HPCAL4: variants seen among roughly 807,000 people sequenced by gnomAD.
HPCAL4 encodes the protein hippocalcin-like protein 4.
HPCAL4 carries 16 observed loss-of-function variants against 18.2 expected under a neutral mutation model. The observed-to-expected ratio is 0.88, with a 90% CI of 0.59 to 1.33. The LOEUF is 1.33. Ranked by LOEUF, HPCAL4 falls within the 40% of genes most tolerant of loss-of-function variation. The pLI, the probability that HPCAL4 is intolerant of heterozygous loss-of-function variation, is 0.00. For missense variants in HPCAL4, 214 were observed against 256.6 expected, an observed-to-expected ratio of 0.83 and a Z score of 1.14; for synonymous variants, 80 against 97.5, an observed-to-expected ratio of 0.82 and a Z score of 1.06.
intron 1 of HPCAL4, among the ~76,000 whole-genome samples, chr1:39,690,809 G>T (rs1646711882): frequency 6.6e-6 from 1 of 152,022 alleles, no homozygotes; most frequent in African/African-American, 2.4e-5. Context: ...ACAACAAGGA[G>T]GGAGCGCTCT....
rs1646625817 is a variant in HPCAL4 at position 39,681,446 on chromosome 1, AG to A, written c.*1089del. On this transcript the variant is annotated 3_prime_UTR_variant, in exon 4 of 4. Transcript: ENST00000372844. ...AAACCTTGCTTTTTCCTGTCCCTGA[AG>A]TCAGCACCCAACCGGAGTAAGTATG... 6.6e-6 allele frequency: 1 copy of A among 152,238 alleles called. No individual in the cohort carries two copies. Among genetic ancestry groups the A allele is most frequent in the Non-Finnish European group, 1.5e-5 (1 of 68,048 alleles). The allele number at this position is 152,238 out of a possible 1,614,324, so 9.4% of individuals were successfully genotyped here.
intron 3 of HPCAL4, 51 bp downstream of exon 3, chr1:39,683,886 G>T: frequency 6.5e-7 from 1 of 1,531,490 alleles, no homozygotes; most frequent in Non-Finnish European, 9.0e-7. Flanking sequence ...GCAGGGGCGG[G>T]GATGGCGAAG....
rs367877386 is a variant in HPCAL4, at chr1:39,684,140, C to T, written c.175G>A (p.Gly59Ser). Reference sequence around the variant, plus strand: ...TGCTGCGCGAACTTGGAGGCGTCGCCGTAGGGGAAGAACTGAGGGGGGTGC... The same window carrying T: ...TGCTGCGCGAACTTGGAGGCGTCGCTGTAGGGGAAGAACTGAGGGGGGTGC... ...QQLYIKFFPYGDASKFAQHAF... is the reference protein window; with the variant it reads ...QQLYIKFFPYSDASKFAQHAF... Residue 59 changes from glycine to serine, a missense_variant, in exon 3 of 4, where the codon GGC (glycine) becomes AGC (serine). Transcript: ENST00000372844. The T allele has an allele frequency of 3.1e-6, 5 of 1,611,580 alleles. No homozygotes were observed. In the African/African-American group the frequency reaches 5.4e-5, roughly 17 times the overall value.
At chr1:39,685,193 G>A (rs1232134342) in intron 1 of HPCAL4, among the ~76,000 whole-genome samples, 1 of 152,214 alleles carries the variant, frequency 6.6e-6, no homozygotes, top group Non-Finnish European at 1.5e-5. Flanking sequence ...GCTAGGCCCT[G>A]TGCCAGTGAT....
At chr1:39,684,174 G>A in intron 2 of HPCAL4, 22 bp from the exon 3 acceptor site, 5 of 1,592,146 alleles carry the variant, frequency 3.1e-6, no homozygotes, top group Non-Finnish European at 4.3e-6. Context: ...GCGGTGGGTT[G>A]GGGCGCAGCG....
intron 1 of HPCAL4, among the ~76,000 whole-genome samples, chr1:39,686,877 A>C (rs1570477673): frequency 6.6e-6 from 1 of 151,524 alleles, no homozygotes; most frequent in Non-Finnish European, 1.5e-5. Context: ...TCAGGCTCCC[A>C]CCCCAGGTAG....
intron 1 of HPCAL4, among the ~76,000 whole-genome samples, chr1:39,686,491 C>G (rs961733275): frequency 2.0e-5 from 3 of 152,076 alleles, no homozygotes; most frequent in Admixed American, 2.0e-4. Flanking sequence ...CGTGGAGAGA[C>G]GTGGATGGGC....
At chr1:39,684,834 C>T (rs1044914653) in intron 1 of HPCAL4, among the ~76,000 whole-genome samples, 1 of 152,210 alleles carries the variant, frequency 6.6e-6, no homozygotes, top group East Asian at 1.9e-4. Context: ...CTCTCCTCCT[C>T]ACTGACCGTG....
intron 3 of HPCAL4, 85 bp downstream of exon 3, chr1:39,683,852 C>T (rs879001405): frequency 7.9e-7 from 1 of 1,269,378 alleles, no homozygotes; most frequent in South Asian, 1.3e-5. Flanking sequence ...CAGGGAGGCC[C>T]CGAAGCCCGA....
Position 39,684,062 on chromosome 1 carries a change from A to G in HPCAL4, c.253T>C (p.Phe85Leu). Residue 85 changes from phenylalanine to leucine, a missense_variant, in exon 3 of 4, where the codon TTC (phenylalanine) becomes CTC (leucine). By Grantham distance (22) the Phe-to-Leu change is conservative. Transcript: ENST00000372844. ...NGDGTIDFRE[F>L]ICALSVTSRG... is the part of the protein sequence containing the mutation. ...GAGGTGACCGACAGGGCGCAGATGA[A>G]CTCCCGGAAGTCGATGGTGCCGTCG... 2 of 1,613,502 alleles carry G rather than the reference A, an allele frequency of 1.2e-6. No individual in the cohort carries two copies. The highest frequency in any genetic ancestry group is 1.7e-6 in the Non-Finnish European group (2 of 1,179,804).
chr1:39,684,149 A>G lies in HPCAL4; in HGVS notation c.166T>C (p.Phe56Leu). ...EEFQQLYIKF[F>L]PYGDASKFAQ... The stretch of plus-strand genomic sequence containing the variant: ...AACTTGGAGGCGTCGCCGTAGGGGA[A>G]GAACTGAGGGGGGTGCGGTGGGTTG... Residue 56 changes from phenylalanine (F) to leucine (L), a missense_variant, in exon 3 of 4, where the codon TTC becomes CTC. Physicochemically the swap from Phe to Leu is conservative, Grantham distance 22 (BLOSUM62 0). Transcript: ENST00000372844. 2 of 1,610,492 alleles carry G rather than the reference A, an allele frequency of 1.2e-6. No homozygotes were observed. The highest frequency in any genetic ancestry group is 2.2e-5 in the East Asian group (1 of 44,774).
In HPCAL4 at chr1:39,679,982, G is replaced by C. The variant is rs1370367262; in HGVS notation, c.*2554C>G. The C allele has an allele frequency of 2.6e-5, 4 of 152,660 alleles. No homozygotes were observed. The highest frequency in any genetic ancestry group is 9.7e-5 in the African/African-American group (4 of 41,436). The allele number at this position is 152,660 out of a possible 1,614,324, so 9.5% of individuals were successfully genotyped here. On this transcript the variant is annotated 3_prime_UTR_variant, in exon 4 of 4. Coordinates refer to ENST00000372844, the MANE Select transcript of HPCAL4 (RefSeq NM_016257.4). Reference sequence around the variant, plus strand: ...TAAAGACAATGCAGGATGCTTCGAGGGTTCTGAGTCAGAGGACTCCCAGGA... The same window carrying C: ...TAAAGACAATGCAGGATGCTTCGAGCGTTCTGAGTCAGAGGACTCCCAGGA...
chr1:39,679,222 A>G lies in HPCAL4; in HGVS notation c.*3314T>C, dbSNP rs1168436671. The G allele has an allele frequency of 1.3e-5, 2 of 152,134 alleles. No individual in the cohort carries two copies. The highest frequency in any genetic ancestry group is 3.8e-4 in the East Asian group (2 of 5,196). The allele number at this position is 152,134 out of a possible 1,614,324, so 9.4% of individuals were successfully genotyped here. ...TCTTTTCTTTCCCCCATCCCACGCC[A>G]TTCCTTCTCTCTCTGCAGCAAGGCA... On this transcript the variant is annotated 3_prime_UTR_variant, in exon 4 of 4. Transcript: ENST00000372844.
In HPCAL4 at chr1:39,683,815, G is replaced by A. The variant is rs371442585; in HGVS notation, c.378+122C>T. 1.2e-5 allele frequency: 10 copies of A among 822,892 alleles called. No individual in the cohort carries two copies. In the African/African-American group the frequency reaches 1.5e-4, roughly 12 times the overall value. 51.0% of individuals were successfully genotyped at this position (822,892 alleles called of 1,614,324 possible). On this transcript the variant is annotated intron_variant, in intron 3 of 3. Transcript: ENST00000372844. ...GCCCGGGCCTGTAGCGGGGTGGTAG[G>A]AGGCGGGATCGCAGGCTGGGGAGCA...
In HPCAL4 at chr1:39,682,305, C is replaced by G; in HGVS notation, c.*231G>C. ...ATGCCCAATGGACATTGGTTCTGGC[C>G]AAGTGGGAGGTGGGGCTAGAAGACA... On this transcript the variant is annotated 3_prime_UTR_variant, in exon 4 of 4. Coordinates refer to ENST00000372844, the MANE Select transcript of HPCAL4 (RefSeq NM_016257.4). 1 of 554,800 alleles carries G rather than the reference C, an allele frequency of 1.8e-6. No homozygotes were observed. Among genetic ancestry groups the G allele is most frequent in the South Asian group, 2.1e-5 (1 of 48,488 alleles). The allele number at this position is 554,800 out of a possible 1,614,324, so 34.4% of individuals were successfully genotyped here.
intron 1 of HPCAL4, among the ~76,000 whole-genome samples, chr1:39,689,906 A>T (rs997957853): frequency 1.3e-5 from 2 of 152,190 alleles, no homozygotes; most frequent in Non-Finnish European, 2.9e-5. Flanking sequence ...AAGCAGCAGC[A>T]ATAGCAGCAG....
chr1:39,684,717 C>G, intron 1 of HPCAL4, 106 bp from the exon 2 acceptor site: 1 of 935,660 alleles, frequency 1.1e-6, no homozygotes, highest in Non-Finnish European at 1.5e-6. Context: ...AGGTTCCTTC[C>G]CCTCATGACA....
At chr1:39,690,035 G>A (rs1174187100) in intron 1 of HPCAL4, among the ~76,000 whole-genome samples, 1 of 152,196 alleles carries the variant, frequency 6.6e-6, no homozygotes, top group Non-Finnish European at 1.5e-5. Flanking sequence ...GGTGGTCTAG[G>A]AGGGACTCCT....
intron 1 of HPCAL4, among the ~76,000 whole-genome samples, chr1:39,688,143 A>C (rs1268701886): frequency 6.6e-6 from 1 of 151,974 alleles, no homozygotes; most frequent in Non-Finnish European, 1.5e-5. Flanking sequence ...TTCTCCACCC[A>C]CATCTGCCCT....
Sources: gnomAD v4.1 joint callset for allele counts (sites outside exome capture counted in the v4.1 genomes callset) on GRCh38, gnomAD v4.1.1 for gene constraint, MANE v1.5 for transcripts, NCBI Gene and HGNC (gene_info 2026-07-23, HGNC 2026-07-21) for gene names.